Variants in ASAP1 observed in about 807,000 individuals in gnomAD.
ASAP1 encodes arf-GAP with SH3 domain, ANK repeat and PH domain-containing protein 1.
ASAP1 carries 43 observed loss-of-function variants against 145.2 expected under a neutral mutation model. The ratio of observed to expected loss-of-function variants is 0.30; its 90% confidence interval spans 0.23 to 0.38. The LOEUF (loss-of-function observed/expected upper bound fraction) is 0.38, where lower values mean the gene tolerates loss of function less well. Among genes scored for constraint, ASAP1 ranks in the 10% least tolerant of loss-of-function variants. The pLI, the probability that ASAP1 is intolerant of heterozygous loss-of-function variation, is 1.00. For missense variants in ASAP1, 1,018 were observed against 1,355.3 expected (o/e 0.75, Z 3.91); for synonymous variants, 546 against 515.5 (o/e 1.06, Z -0.80).
chr8:130,298,574 A>T (rs1216489067), intron 3 of ASAP1, among the ~76,000 whole-genome samples: 1 of 152,232 alleles, frequency 6.6e-6, no homozygotes, highest in Non-Finnish European at 1.5e-5. Context: ...AAATCAGAGC[A>T]TGCCAATCCT....
chr8:130,078,152 G>A (rs2097468586), intron 26 of ASAP1, among the ~76,000 whole-genome samples: 1 of 152,074 alleles, frequency 6.6e-6, no homozygotes, highest in Admixed American at 6.6e-5. Context: ...ACTATGCCCG[G>A]CTAATTTTTG....
intron 24 of ASAP1, among the ~76,000 whole-genome samples, chr8:130,109,461 T>C (rs2097543174): frequency 6.7e-6 from 1 of 148,374 alleles, no homozygotes; most frequent in African/African-American, 2.6e-5. Context: ...ATCTCAAGTG[T>C]CTGTTTCTGT....
intron 25 of ASAP1, among the ~76,000 whole-genome samples, chr8:130,086,039 G>A (rs1165701631): frequency 6.6e-6 from 1 of 152,264 alleles, no homozygotes; most frequent in Non-Finnish European, 1.5e-5. Flanking sequence ...GATGGATAAG[G>A]AGGCACAGCC....
intron 24 of ASAP1, among the ~76,000 whole-genome samples, chr8:130,095,622 CTT>C (rs141561036): frequency 2.3e-4 from 30 of 129,830 alleles, no homozygotes; most frequent in Non-Finnish European, 2.7e-4. Context: ...ATTCTTTTGT[CTT>C]TTTTTTTTTT....
At chr8:130,133,116 C>T (rs533249591) in intron 15 of ASAP1, among the ~76,000 whole-genome samples, 88 of 151,590 alleles carry the variant, frequency 5.8e-4, no homozygotes, top group Admixed American at 2.1e-3. Flanking sequence ...TTATAAAACT[C>T]GGTCCAAATT....
At chr8:130,281,935 G>A (rs886749129) in intron 3 of ASAP1, among the ~76,000 whole-genome samples, 8 of 151,952 alleles carry the variant, frequency 5.3e-5, no homozygotes, top group Admixed American at 2.6e-4. Context: ...GCAAGGTGGC[G>A]GGTGCCTGTA....
intron 2 of ASAP1, among the ~76,000 whole-genome samples, chr8:130,400,109 C>T (rs1210909696): frequency 2.0e-5 from 3 of 152,180 alleles, no homozygotes; most frequent in African/African-American, 7.2e-5. Flanking sequence ...CGTGAGCCAT[C>T]GCGCCTGGCC....
At chr8:130,346,186 A>AG (rs935743108) in intron 3 of ASAP1, among the ~76,000 whole-genome samples, 2 of 152,246 alleles carry the variant, frequency 1.3e-5, no homozygotes, top group South Asian at 2.1e-4. Flanking sequence ...TTAAAAAGTG[A>AG]GGGGGGATGT....
At chr8:130,341,996 A>C (rs923553081) in intron 3 of ASAP1, among the ~76,000 whole-genome samples, 3 of 152,200 alleles carry the variant, frequency 2.0e-5, no homozygotes, top group African/African-American at 7.2e-5. Context: ...TAACTTCAGC[A>C]TAAGTTGCTG....
At position 130,236,951 on chromosome 8, in the gene ASAP1, G is replaced by C. The variant is rs767771941; in HGVS notation, c.230C>G (p.Ser77Cys). The change falls in exon 4 of 30, where the codon TCT becomes TGT. Residue 77 changes from serine to cysteine, a missense_variant. By Grantham distance (112) the Ser-to-Cys change is moderately radical. This residue lies in a region of ASAP1 where 106 missense variants were observed against 134.5 expected (regional missense o/e 0.79). Transcript: ENST00000518721. ...DRTALQKVKK[S>C]VKAIYNSGQD... is the part of the protein sequence containing the mutation. ...ACCAGAATTATATATTGCTTTTACA[G>C]ACTTCTTCACTTTCTGAAGGGCTGT... The C allele has an allele frequency of 2.5e-6, 4 of 1,604,582 alleles. No homozygotes were observed.
chr8:130,441,629 T>C (rs1452857465), intron 1 of ASAP1, among the ~76,000 whole-genome samples: 2 of 152,206 alleles, frequency 1.3e-5, no homozygotes, highest in Admixed American at 1.3e-4. Context: ...GACGTGAGTC[T>C]TCACAAGGGA....
At chr8:130,315,082 C>T (rs868276510) in intron 3 of ASAP1, among the ~76,000 whole-genome samples, 4 of 152,248 alleles carry the variant, frequency 2.6e-5, no homozygotes, top group Middle Eastern at 3.4e-3. Flanking sequence ...TCTATTAAAC[C>T]ACAAAACACT....
intron 12 of ASAP1, among the ~76,000 whole-genome samples, chr8:130,156,203 C>T (rs2097657935): frequency 6.6e-6 from 1 of 152,194 alleles, no homozygotes; most frequent in South Asian, 2.1e-4. Flanking sequence ...GCAAATAATA[C>T]TTCAGAGAAA....
intron 3 of ASAP1, among the ~76,000 whole-genome samples, chr8:130,337,749 T>A (rs1386880412): frequency 6.6e-6 from 1 of 152,178 alleles, no homozygotes. Context: ...TACTTTCCTC[T>A]CCTCTCAACT....
intron 5 of ASAP1, among the ~76,000 whole-genome samples, chr8:130,189,792 C>T (rs1384022321): frequency 6.6e-6 from 1 of 152,158 alleles, no homozygotes; most frequent in Non-Finnish European, 1.5e-5. Flanking sequence ...GAGAGTTCCC[C>T]TTTCTCTGCA....
At chr8:130,163,963 A>G (rs930670745) in intron 11 of ASAP1, among the ~76,000 whole-genome samples, 1 of 152,234 alleles carries the variant, frequency 6.6e-6, no homozygotes, top group Non-Finnish European at 1.5e-5. Flanking sequence ...GCAATTATAC[A>G]TTCATTGATT....
intron 13 of ASAP1, among the ~76,000 whole-genome samples, chr8:130,146,012 TTG>T (rs1491311679): frequency 1.4e-5 from 2 of 144,108 alleles, no homozygotes; most frequent in Non-Finnish European, 3.0e-5. Context: ...TGGCTAAGTT[TTG>T]TGTTTTTTTT....
chr8:130,314,169 C>T (rs529064841), intron 3 of ASAP1, among the ~76,000 whole-genome samples: 1 of 152,132 alleles, frequency 6.6e-6, no homozygotes, highest in South Asian at 2.1e-4. Context: ...TAAGCTTCCT[C>T]CCCCCACTTA....
intron 24 of ASAP1, among the ~76,000 whole-genome samples, chr8:130,099,116 T>C (rs565007473): frequency 2.0e-5 from 3 of 149,824 alleles, no homozygotes; most frequent in South Asian, 4.3e-4. Flanking sequence ...GCTCTGGAAG[T>C]GATCCTCCTA....
Sources: gnomAD v4.1 joint callset for allele counts (sites outside exome capture counted in the v4.1 genomes callset) on GRCh38, gnomAD v4.1.1 for gene constraint, gnomAD v4.1.1 regional missense constraint, MANE v1.5 for transcripts, NCBI Gene and HGNC (gene_info 2026-07-23, HGNC 2026-07-21) for gene names.